The following VIPR1 variants were observed in gnomAD, a reference collection of about 807,000 sequenced individuals.
The protein encoded by VIPR1 is vasoactive intestinal peptide receptor 1.
VIPR1 carries 59 observed loss-of-function variants against 58.8 expected under a neutral mutation model. That is an observed-to-expected ratio of 1.00 (90% CI 0.81 to 1.25). The LOEUF is 1.25. Ranked by LOEUF, VIPR1 falls within the 50% of genes most tolerant of loss-of-function variation. VIPR1 has a pLI of 0.00. For missense variants in VIPR1, 626 were observed against 602.7 expected (o/e 1.04, Z -0.40); for synonymous variants, 251 against 242.1 (o/e 1.04, Z -0.34).
At position 42,513,490 on chromosome 3, in the gene VIPR1, G is replaced by A. The variant is rs402496; in HGVS notation, c.79-259G>A. On this transcript the variant is annotated intron_variant, in intron 1 of 12. Transcript: ENST00000325123. ...CATCTGGAGTTGTGCCACCCGCAAA[G>A]AGACAAAGCAGTTACAGCTGCAGCA... is the stretch of plus-strand genomic sequence containing the variant. 1,257 of 430,158 alleles carry A rather than the reference G, an allele frequency of 2.9e-3. 19 individuals are homozygous for A. Among genetic ancestry groups the A allele is most frequent in the African/African-American group, 0.023 (1,156 of 50,164 alleles). 26.6% of individuals were successfully genotyped at this position (430,158 alleles called of 1,614,324 possible).
chr3:42,511,809 C>T (rs1213062324), intron 1 of VIPR1: 1 of 152,196 alleles, frequency 6.6e-6, no homozygotes, highest in Non-Finnish European at 1.5e-5. Flanking sequence ...CCAGAAGCCA[C>T]CTCTGAGATC....
Position 42,527,994 on chromosome 3 carries a change from G to C in VIPR1, c.507G>C (p.Lys169Asn). 1 of 1,613,820 alleles carries C rather than the reference G, an allele frequency of 6.2e-7. No individual in the cohort carries two copies. The highest frequency in any genetic ancestry group is 8.5e-7 in the Non-Finnish European group (1 of 1,179,850). The change falls in exon 6 of 13, where the codon AAG becomes AAC. Residue 169 changes from lysine (K) to asparagine (N), a missense_variant. Physicochemically the swap from Lys to Asn is moderately conservative, Grantham distance 94. Coordinates refer to ENST00000325123, the MANE Select transcript of VIPR1 (RefSeq NM_004624.4). ...VATAILSLFRKLHCTRNYIHM... is the reference protein window; with the variant it reads ...VATAILSLFRNLHCTRNYIHM... ...CAGATCTGCCCACCCCACACAGGAA[G>C]CTCCACTGCACGCGGAACTACATCC...
intron 2 of VIPR1, among the ~76,000 whole-genome samples, chr3:42,516,204 A>G (rs1332236371): frequency 6.6e-6 from 1 of 152,160 alleles, no homozygotes; most frequent in Non-Finnish European, 1.5e-5. Context: ...ACCTGTGGGC[A>G]CACACAGCCA....
chr3:42,513,646 T>C (rs2125645203), intron 1 of VIPR1, 103 bp from the exon 2 acceptor site: 1 of 1,228,962 alleles, frequency 8.1e-7, no homozygotes, highest in Non-Finnish European at 1.1e-6. Flanking sequence ...CATCTGGAAC[T>C]TGGATCTCTT....
chr3:42,508,202 TA>T (rs1700205971), intron 1 of VIPR1, among the ~76,000 whole-genome samples: 1 of 152,208 alleles, frequency 6.6e-6, no homozygotes, highest in Admixed American at 6.5e-5. Context: ...AGGACTGGAC[TA>T]GAGCTTTGGC....
At chr3:42,532,141 GGCA>G (rs1003818452) in intron 9 of VIPR1, 98 bp from the exon 10 acceptor site, 13 of 1,226,674 alleles carry the variant, frequency 1.1e-5, no homozygotes, top group African/African-American at 1.5e-5. Context: ...TAGAGAGAGG[GGCA>G]GCAGGACCCT....
rs200886296 is a variant in VIPR1 at position 42,519,214 on chromosome 3, C to T, written c.185-9C>T. ...GCTCACCCATGTGTCTTCTGCCTTA[C>T]CCCCATAGGCTGCAGCAAGATGTGG... is the stretch of plus-strand genomic sequence containing the variant. On this transcript the variant is annotated splice_polypyrimidine_tract_variant and intron_variant, in intron 2 of 12. Coordinates refer to ENST00000325123, the MANE Select transcript of VIPR1 (RefSeq NM_004624.4). 9.4e-6 allele frequency: 15 copies of T among 1,601,346 alleles called. No homozygotes were observed. In the East Asian group the frequency reaches 2.3e-4, roughly 24 times the overall value.
rs1435323918 is a variant in VIPR1 at position 42,527,440 on chromosome 3, C to T, written c.447C>T (p.Gly149=). ...CTGTGAAGACCGGCTACACCATTGG[C>T]TACGGCCTGTCCCTCGCCACCCTTC... ...YGSVKTGYTI[G]YGLSLATLLV... Residue 149 remains glycine (G), a synonymous_variant, in exon 5 of 13, where the codon GGC becomes GGT. Transcript: ENST00000325123. 1 of 1,613,870 alleles carries T rather than the reference C, an allele frequency of 6.2e-7. No individual in the cohort carries two copies. The highest frequency in any genetic ancestry group is 2.2e-5 in the East Asian group (1 of 44,886).
At position 42,527,534 on chromosome 3, in the gene VIPR1, C is replaced by G. The variant is rs567942457; in HGVS notation, c.503+38C>G. On this transcript the variant is annotated intron_variant, in intron 5 of 12. Transcript: ENST00000325123. ...CCAAGTCACAGGCCTCAAAGCAAAC[C>G]TGGCAAGTGTCCCTCCCACAGTGGA... is the stretch of plus-strand genomic sequence containing the variant. 2.1e-5 allele frequency: 34 copies of G among 1,598,862 alleles called. No individual in the cohort carries two copies. The South Asian group carries it at 3.5e-4, about 17-fold the overall frequency.
chr3:42,520,219 G>T (rs375147654), intron 3 of VIPR1, among the ~76,000 whole-genome samples: 1 of 152,166 alleles, frequency 6.6e-6, no homozygotes, highest in African/African-American at 2.4e-5. Flanking sequence ...CAGTGTGGCT[G>T]GAGCAGGGAA....
rs1436214303 is a variant in VIPR1 at position 42,513,867 on chromosome 3, T to C, written c.184+13T>C. ...AATGAGACAATAGGTGAGGCCCCCA[T>C]GGGCAGAGAGGGGCTGCATGCCCCC... is the stretch of plus-strand genomic sequence containing the variant. On this transcript the variant is annotated intron_variant, in intron 2 of 12. Coordinates refer to ENST00000325123, the MANE Select transcript of VIPR1 (RefSeq NM_004624.4). The C allele has an allele frequency of 6.4e-7, 1 of 1,551,216 alleles. No homozygotes were observed.
intron 3 of VIPR1, among the ~76,000 whole-genome samples, chr3:42,525,403 C>T (rs562799602): frequency 2.0e-5 from 3 of 151,816 alleles, no homozygotes; most frequent in East Asian, 3.9e-4. Flanking sequence ...CCTGCTCCCC[C>T]TCCAGCAGCA....
At position 42,535,377 on chromosome 3, in the gene VIPR1, A is replaced by G. The variant is rs758900287; in HGVS notation, c.1175A>G (p.Asn392Ser). The G allele has an allele frequency of 7.4e-6, 12 of 1,613,840 alleles. No individual in the cohort carries two copies. The highest frequency in any genetic ancestry group is 4.4e-5 in the South Asian group (4 of 91,082). The stretch of plus-strand genomic sequence containing the variant: ...GTGGCTATCCTCTACTGCTTCCTCA[A>G]TGGTGAGGTAAGCCCCTCCCAGTCC... ...FVVAILYCFL[N>S]GEVQAELRRK... The change falls in exon 12 of 13, where the codon AAT becomes AGT. Residue 392 changes from asparagine to serine, a missense_variant. Coordinates refer to ENST00000325123, the MANE Select transcript of VIPR1 (RefSeq NM_004624.4).
At chr3:42,521,752 T>C (rs1363849273) in intron 3 of VIPR1, among the ~76,000 whole-genome samples, 1 of 152,106 alleles carries the variant, frequency 6.6e-6, no homozygotes, top group Admixed American at 6.6e-5. Flanking sequence ...TTATTTTTAT[T>C]TTATTAATGT....
chr3:42,508,697 G>C (rs983937213), intron 1 of VIPR1: 4 of 152,204 alleles, frequency 2.6e-5, no homozygotes, highest in Non-Finnish European at 5.9e-5. Flanking sequence ...TGGATCCCAT[G>C]ATCCAACTTA....
chr3:42,514,688 C>A (rs563003015), intron 2 of VIPR1, among the ~76,000 whole-genome samples: 3 of 152,176 alleles, frequency 2.0e-5, no homozygotes, highest in South Asian at 2.1e-4. Flanking sequence ...GCTGATGAGA[C>A]AAGTCAAGGT....
upstream of VIPR1, among the ~76,000 whole-genome samples, chr3:42,498,295 T>C (rs1338441649): frequency 6.6e-6 from 1 of 152,220 alleles, no homozygotes; most frequent in Non-Finnish European, 1.5e-5. Context: ...GCCCCAGACA[T>C]TGACAAAGCA....
rs755740116 is a variant in VIPR1, at chr3:42,531,575, G to T, written c.851+44G>T. ...CACTCCCCCGGCCGCCATCACTTGG[G>T]CAGGCCCCCTGGGTGGGATGATAAT... On this transcript the variant is annotated intron_variant, in intron 8 of 12. Coordinates refer to ENST00000325123, the MANE Select transcript of VIPR1 (RefSeq NM_004624.4). 6 of 1,586,730 alleles carry T rather than the reference G, an allele frequency of 3.8e-6. No individual in the cohort carries two copies. In the Admixed American group the frequency reaches 7.2e-5, roughly 19 times the overall value.
intron 7 of VIPR1, chr3:42,531,154 G>C (rs1438736198): frequency 3.1e-6 from 2 of 639,294 alleles, no homozygotes; most frequent in Non-Finnish European, 5.3e-6. Flanking sequence ...CTGTGGGACA[G>C]ATTTTGTGAA....
Sources: allele counts gnomAD v4.1 joint callset (sites outside exome capture counted in the v4.1 genomes callset), GRCh38; gene constraint gnomAD v4.1.1; transcripts MANE v1.5; gene names NCBI Gene and HGNC (gene_info 2026-07-23, HGNC 2026-07-21).